MAP3K15: variants seen among roughly 807,000 people sequenced by gnomAD.
The protein encoded by MAP3K15 is MAPK/ERK kinase kinase 15.
MAP3K15 carries 124 observed loss-of-function variants against 99.5 expected under a neutral mutation model. The observed-to-expected ratio is 1.25, with a 90% CI of 1.08 to 1.45. The LOEUF (loss-of-function observed/expected upper bound fraction) is 1.45, where lower values mean the gene tolerates loss of function less well. MAP3K15 is among the 40% of genes most tolerant of loss of function. MAP3K15 has a pLI of 0.00. For missense variants in MAP3K15, 1,242 were observed against 1,079.7 expected, an observed-to-expected ratio of 1.15 and a Z score of -2.11; for synonymous variants, 494 against 439.6, an observed-to-expected ratio of 1.12 and a Z score of -1.55.
chrX:19,460,543 A>G (rs143038039), intron 4 of MAP3K15, among the ~76,000 whole-genome samples: 3 of 110,868 alleles, frequency 2.7e-5, no homozygotes, highest in Non-Finnish European at 5.7e-5. Flanking sequence ...AAAACCCATG[A>G]AACATACATG....
At chrX:19,376,053 C>T (rs938624816) in intron 19 of MAP3K15, among the ~76,000 whole-genome samples, 6 of 111,773 alleles carry the variant, frequency 5.4e-5, no homozygotes, top group African/African-American at 1.6e-4. Flanking sequence ...GGCCTCTGCC[C>T]GGCTCTCTGA....
At chrX:19,378,415 G>T (rs901591872) in intron 19 of MAP3K15, among the ~76,000 whole-genome samples, 3 of 111,901 alleles carry the variant, frequency 2.7e-5, no homozygotes, top group Non-Finnish European at 3.8e-5. Context: ...AGTTCCACGC[G>T]GCTGGGGAGG....
At chrX:19,457,135 A>AGG in intron 5 of MAP3K15, 116 bp from the exon 6 acceptor site, 1 of 476,926 alleles carries the variant, frequency 2.1e-6, no homozygotes, top group Non-Finnish European at 3.6e-6. Context: ...CCTTCCTTAC[A>AGG]AAGGGCATTT....
intron 3 of MAP3K15, among the ~76,000 whole-genome samples, chrX:19,477,663 T>G (rs1417155381): frequency 4.4e-5 from 3 of 68,819 alleles, no homozygotes; most frequent in African/African-American, 5.5e-5. Flanking sequence ...TGAGCCAAGA[T>G]CATGCCACTG....
chrX:19,372,667 C>T lies in MAP3K15; in HGVS notation c.3094G>A (p.Glu1032Lys). ...EQNQVASNLQECVAQSSEELH... is the reference protein window; with the variant it reads ...EQNQVASNLQKCVAQSSEELH... Reference sequence around the variant, plus strand: ...CGGGCAAATACCTGGGCCACACACTCCTGCAGGTTGGAAGCCACCTGGTTC... The same window carrying T: ...CGGGCAAATACCTGGGCCACACACTTCTGCAGGTTGGAAGCCACCTGGTTC... The change falls in exon 22 of 29, where the codon GAG becomes AAG. Residue 1032 changes from glutamate (E) to lysine (K), a missense_variant. Transcript: ENST00000338883. 8.3e-7 allele frequency: 1 copy of T among 1,209,610 alleles called. No homozygotes were observed. The highest frequency in any genetic ancestry group is 1.1e-6 in the Non-Finnish European group (1 of 894,288).
chrX:19,431,907 G>C (rs1264214170), intron 6 of MAP3K15, among the ~76,000 whole-genome samples: 3 of 104,460 alleles, frequency 2.9e-5, no homozygotes, highest in East Asian at 3.0e-4. Context: ...TCATGCCACT[G>C]TACTCCAGTC....
chrX:19,471,717 G>T (rs762548728), intron 3 of MAP3K15, among the ~76,000 whole-genome samples: 1 of 111,660 alleles, frequency 9.0e-6, no homozygotes, highest in South Asian at 3.7e-4. Flanking sequence ...AAAATGTTTT[G>T]TCATATACAA....
chrX:19,435,799 CCATTT>C (rs1163401999), intron 6 of MAP3K15, among the ~76,000 whole-genome samples: 1 of 112,117 alleles, frequency 8.9e-6, no homozygotes, highest in African/African-American at 3.2e-5. Context: ...GCAATTAAGG[CCATTT>C]CACAATTAAG....
intron 13 of MAP3K15, among the ~76,000 whole-genome samples, chrX:19,402,048 G>A (rs1472166236): frequency 1.8e-5 from 2 of 111,249 alleles, no homozygotes; most frequent in Non-Finnish European, 3.8e-5. Context: ...AGCACTTTGG[G>A]AGACTGAAGC....
At chrX:19,462,233 T>G (rs1393619189) in intron 4 of MAP3K15, among the ~76,000 whole-genome samples, 1 of 112,289 alleles carries the variant, frequency 8.9e-6, no homozygotes, top group Non-Finnish European at 1.9e-5. Flanking sequence ...CCTGGTCCAA[T>G]GCTCACAAGA....
At chrX:19,513,160 C>T (rs780990134) in intron 1 of MAP3K15, among the ~76,000 whole-genome samples, 9 of 111,671 alleles carry the variant, frequency 8.1e-5, no homozygotes, top group South Asian at 3.8e-4. Context: ...GCCAAGGTGA[C>T]GTGTCTGTTG....
chrX:19,443,165 T>C (rs764489524), intron 6 of MAP3K15, among the ~76,000 whole-genome samples: 1 of 105,775 alleles, frequency 9.5e-6, no homozygotes, highest in South Asian at 4.5e-4. Context: ...TCTGAGTAGC[T>C]GGGATTACAG....
Position 19,422,296 on chromosome X carries a change from A to G in MAP3K15, c.1439+3235T>C, listed in dbSNP as rs1356777428. 5.4e-5 allele frequency among the ~76,000 whole-genome samples: 6 copies of G among 111,982 alleles called. No homozygotes were observed. In the Admixed American group the frequency reaches 5.7e-4, roughly 11 times the overall value. ...AATCTACTCATCTGACAAATGGCTA[A>G]TATCCAGAATCTACAATAAACTCCA... On this transcript the variant is annotated intron_variant, in intron 9 of 28. Coordinates refer to ENST00000338883, the MANE Select transcript of MAP3K15 (RefSeq NM_001001671.4).
At chrX:19,430,380 T>C (rs1030622842) in intron 7 of MAP3K15, among the ~76,000 whole-genome samples, 2 of 111,415 alleles carry the variant, frequency 1.8e-5, no homozygotes, top group African/African-American at 6.5e-5. Context: ...ACGGGGTCAT[T>C]TGGATCTTCC....
At chrX:19,371,139 A>T in intron 23 of MAP3K15, 75 bp from the exon 24 acceptor site, 1 of 861,064 alleles carries the variant, frequency 1.2e-6, no homozygotes, top group Non-Finnish European at 1.6e-6. Flanking sequence ...ACGGAGAATC[A>T]CGGCAACCTA....
intron 6 of MAP3K15, among the ~76,000 whole-genome samples, chrX:19,445,038 A>G (rs1281196089): frequency 9.0e-6 from 1 of 111,015 alleles, no homozygotes; most frequent in Non-Finnish European, 1.9e-5. Flanking sequence ...GTTGTTCTAT[A>G]GAGAATGTTC....
intron 9 of MAP3K15, 146 bp from the exon 10 acceptor site, chrX:19,415,403 C>A: frequency 2.0e-6 from 1 of 487,953 alleles, no homozygotes. Context: ...GCTCAGCAGC[C>A]ACAAAACTAA....
At chrX:19,496,493 C>T (rs767614831) in intron 1 of MAP3K15, 2 of 111,403 alleles carry the variant, frequency 1.8e-5, no homozygotes, top group African/African-American at 6.5e-5. Flanking sequence ...TCTGAGAAGC[C>T]TTTTCTGACC....
In MAP3K15 at chrX:19,392,359, A is replaced by C; in HGVS notation, c.2309T>G (p.Val770Gly). The C allele has an allele frequency of 5.0e-6, 6 of 1,208,694 alleles. No individual in the cohort carries two copies. Among genetic ancestry groups the C allele is most frequent in the Non-Finnish European group, 6.7e-6 (6 of 894,410 alleles). Residue 770 changes from valine (V) to glycine (G), a missense_variant, in exon 17 of 29, where the codon GTG becomes GGG. Val to Gly is a moderately radical substitution (Grantham distance 109, BLOSUM62 -3). Coordinates refer to ENST00000338883, the MANE Select transcript of MAP3K15 (RefSeq NM_001001671.4). ...GLKYLHENQI[V>G]HRDIKGDNVL... ...AGCAAGTACCTTTATGTCTCTGTGC[A>C]CGATCTGGTTTTCATGAAGATACTT...
Sources: gnomAD v4.1 joint callset for allele counts (sites outside exome capture counted in the v4.1 genomes callset) on GRCh38, gnomAD v4.1.1 for gene constraint, MANE v1.5 for transcripts, NCBI Gene and HGNC (gene_info 2026-07-23, HGNC 2026-07-21) for gene names.